Variants in EPHA6 observed in about 807,000 individuals in gnomAD.
The protein encoded by EPHA6 is EPH receptor A6, also known as ephrin type-A receptor 6.
Under a neutral mutation model 112.0 loss-of-function variants are expected in EPHA6, and 50 were observed. That is an observed-to-expected ratio of 0.45 (90% CI 0.36 to 0.56). The LOEUF (loss-of-function observed/expected upper bound fraction) is 0.56, where lower values mean the gene tolerates loss of function less well. EPHA6 is among the 20% of genes least tolerant of loss of function. EPHA6 has a pLI of 0.00. For missense variants in EPHA6, 1,280 were observed against 1,417.4 expected, an observed-to-expected ratio of 0.90 and a Z score of 1.56; for synonymous variants, 529 against 490.7, an observed-to-expected ratio of 1.08 and a Z score of -1.03.
intron 3 of EPHA6, among the ~76,000 whole-genome samples, chr3:97,084,067 A>AGTGTGTGTGTGTGTGT (rs145113129): frequency 3.8e-4 from 42 of 109,732 alleles, no homozygotes; most frequent in African/African-American, 1.4e-3. Context: ...TATTTCTTAA[A>AGTGTGTGTGTGTGTGT]GTGTGTGTGT....
chr3:97,292,678 A>T (rs1576861518), intron 5 of EPHA6, among the ~76,000 whole-genome samples: 2 of 150,752 alleles, frequency 1.3e-5, no homozygotes, highest in East Asian at 3.9e-4. Flanking sequence ...CATCCCAGCT[A>T]GCGTCCAGCT....
intron 10 of EPHA6, among the ~76,000 whole-genome samples, chr3:97,485,430 G>A (rs983571714): frequency 7.2e-5 from 11 of 152,124 alleles, no homozygotes; most frequent in Admixed American, 2.0e-4. Flanking sequence ...CCTGTTTCCC[G>A]GGTACACAGA....
At chr3:97,725,151 C>T (rs2034704338) in intron 15 of EPHA6, among the ~76,000 whole-genome samples, 1 of 152,052 alleles carries the variant, frequency 6.6e-6, no homozygotes, top group Non-Finnish European at 1.5e-5. Context: ...GGTGCATTGA[C>T]CTCATTCTCT....
At chr3:97,706,884 A>G (rs928925640) in intron 14 of EPHA6, among the ~76,000 whole-genome samples, 4 of 151,760 alleles carry the variant, frequency 2.6e-5, no homozygotes, top group African/African-American at 9.7e-5. Context: ...ATTTACATCA[A>G]TGTTTCTCTT....
intron 5 of EPHA6, among the ~76,000 whole-genome samples, chr3:97,332,232 A>G (rs2082837320): frequency 6.6e-6 from 1 of 152,152 alleles, no homozygotes; most frequent in Admixed American, 6.5e-5. Flanking sequence ...AACTCTCAAT[A>G]AATTAGGTAT....
chr3:97,753,363 C>G lies in EPHA6; in HGVS notation c.*4662C>G, dbSNP rs747914633. 2.0e-5 allele frequency among the ~76,000 whole-genome samples: 3 copies of G among 152,100 alleles called. No individual in the cohort carries two copies. The highest frequency in any genetic ancestry group is 4.4e-5 in the Non-Finnish European group (3 of 67,998). On this transcript the variant is annotated 3_prime_UTR_variant, in exon 18 of 18. Coordinates refer to ENST00000389672, the MANE Select transcript of EPHA6 (RefSeq NM_001080448.3). ...ATAAAGAAATAAATAGGATCTTCGT[C>G]CAGTGTGAATTGGATTTGCAATTCT...
At chr3:97,585,189 A>G (rs1209664639) in intron 11 of EPHA6, among the ~76,000 whole-genome samples, 1 of 152,248 alleles carries the variant, frequency 6.6e-6, no homozygotes, top group African/African-American at 2.4e-5. Context: ...TTTAGAGCTT[A>G]AAGGAAACTT....
chr3:97,149,005 G>T (rs929198891), intron 3 of EPHA6, among the ~76,000 whole-genome samples: 1 of 152,048 alleles, frequency 6.6e-6, no homozygotes, highest in African/African-American at 2.4e-5. Flanking sequence ...TTCTTTGATG[G>T]TTCTTTTCAT....
At chr3:97,149,578 C>T (rs1348146958) in intron 3 of EPHA6, among the ~76,000 whole-genome samples, 3 of 151,890 alleles carry the variant, frequency 2.0e-5, no homozygotes, top group Non-Finnish European at 4.4e-5. Flanking sequence ...CAAGGGATTA[C>T]ATTTCCACTA....
In EPHA6 at chr3:97,678,456, G is replaced by A. The variant is rs372883368; in HGVS notation, c.2784+40374G>A. Among the ~76,000 whole-genome samples the A allele has an allele frequency of 9.2e-5, 14 of 152,258 alleles. No individual in the cohort carries two copies. In the South Asian group the frequency reaches 2.7e-3, roughly 29 times the overall value. On this transcript the variant is annotated intron_variant, in intron 14 of 17. Transcript: ENST00000389672. ...CCAGAAGACGAGCGCTTCCTGTGGT[G>A]AATGACAGAGCAGGGATAAAGGGCC...
chr3:97,414,628 G>C (rs2087980976), intron 6 of EPHA6, among the ~76,000 whole-genome samples: 1 of 151,860 alleles, frequency 6.6e-6, no homozygotes, highest in African/African-American at 2.4e-5. Context: ...ATTCTCAAAT[G>C]AAAGGGAAAA....
At chr3:97,498,400 C>T (rs1012507938) in intron 10 of EPHA6, among the ~76,000 whole-genome samples, 5 of 150,454 alleles carry the variant, frequency 3.3e-5, no homozygotes, top group Non-Finnish European at 5.9e-5. Context: ...CAGAGTTGTA[C>T]GTCAAGTCCA....
chr3:97,720,192 T>C (rs2034463691), intron 14 of EPHA6, 69 bp from the exon 15 acceptor site: 1 of 1,325,448 alleles, frequency 7.5e-7, no homozygotes, highest in Non-Finnish European at 1.0e-6. Flanking sequence ...AAAAAATATT[T>C]AATTGGAATA....
chr3:97,552,573 A>G (rs1243527972), intron 11 of EPHA6, among the ~76,000 whole-genome samples: 4 of 152,176 alleles, frequency 2.6e-5, no homozygotes, highest in Non-Finnish European at 4.4e-5. Flanking sequence ...TCTCTCTTTT[A>G]AAAAAGGACA....
chr3:96,958,026 C>G (rs1176995124), intron 2 of EPHA6, among the ~76,000 whole-genome samples: 1 of 152,050 alleles, frequency 6.6e-6, no homozygotes, highest in African/African-American at 2.4e-5. Context: ...TTGTATTTTC[C>G]AAAAACGTGA....
chr3:97,231,078 T>A (rs1302189216), intron 4 of EPHA6, among the ~76,000 whole-genome samples: 1 of 152,118 alleles, frequency 6.6e-6, no homozygotes, highest in Non-Finnish European at 1.5e-5. Flanking sequence ...AGAGGCATAT[T>A]TTTGAGTGGC....
intron 10 of EPHA6, among the ~76,000 whole-genome samples, chr3:97,498,957 A>T (rs2092051189): frequency 6.6e-6 from 1 of 152,218 alleles, no homozygotes; most frequent in Non-Finnish European, 1.5e-5. Flanking sequence ...ACTTTGCAAA[A>T]GCAATAATCA....
At chr3:97,497,992 T>C (rs1415413306) in intron 10 of EPHA6, among the ~76,000 whole-genome samples, 1 of 152,084 alleles carries the variant, frequency 6.6e-6, no homozygotes, top group Non-Finnish European at 1.5e-5. Context: ...TCAGGTTTTT[T>C]ACCAGAATGA....
At position 97,227,584 on chromosome 3, in the gene EPHA6, G is replaced by A. The variant is rs1436331264; in HGVS notation, c.1270+1165G>A. On this transcript the variant is annotated intron_variant, in intron 4 of 17. Coordinates refer to ENST00000389672, the MANE Select transcript of EPHA6 (RefSeq NM_001080448.3). ...GCCATCCTGCAGGCTGGGAAATATA[G>A]CCTCTGACCAAGACATGCACTTTGA... is the stretch of plus-strand genomic sequence containing the variant. 5.9e-5 allele frequency among the ~76,000 whole-genome samples: 9 copies of A among 152,170 alleles called. No individual in the cohort carries two copies. The East Asian group carries it at 1.7e-3, about 29-fold the overall frequency.
Sources: allele counts gnomAD v4.1 joint callset (sites outside exome capture counted in the v4.1 genomes callset), GRCh38; gene constraint gnomAD v4.1.1; transcripts MANE v1.5; gene names NCBI Gene and HGNC (gene_info 2026-07-23, HGNC 2026-07-21).